ZFAT: variants seen among roughly 807,000 people sequenced by gnomAD.
ZFAT encodes the protein zinc finger protein ZFAT.
In ZFAT, 64 loss-of-function variants were observed where a neutral mutation model predicts 117.7. The ratio of observed to expected loss-of-function variants is 0.54; its 90% CI spans 0.44 to 0.67. ZFAT has a LOEUF of 0.67. ZFAT is among the 30% of genes least tolerant of loss of function. The pLI is 0.00. For missense variants in ZFAT, 1,433 were observed against 1,584.5 expected, an observed-to-expected ratio of 0.90 and a Z score of 1.62; for synonymous variants, 679 against 615.0, an observed-to-expected ratio of 1.10 and a Z score of -1.54.
At chr8:134,603,291 G>C (rs1827651637) in intron 5 of ZFAT, among the ~76,000 whole-genome samples, 1 of 152,178 alleles carries the variant, frequency 6.6e-6, no homozygotes. Context: ...TTCAAGAAAA[G>C]GAAAGAGGGA....
chr8:134,727,259 C>G, the ZFAT span, among the ~76,000 whole-genome samples: 2 of 152,272 alleles, frequency 1.3e-5, no homozygotes, highest in East Asian at 3.9e-4. Flanking sequence ...GAGCTGAAAC[C>G]TGAGTGATAA....
intron 1 of ZFAT, among the ~76,000 whole-genome samples, chr8:134,659,824 G>A (rs1030196118): frequency 3.3e-5 from 5 of 152,210 alleles, no homozygotes; most frequent in Admixed American, 2.6e-4. Context: ...GGAGCTCTTG[G>A]AAGGCACTGG....
chr8:134,724,861 C>A, the ZFAT span, among the ~76,000 whole-genome samples: 1 of 152,112 alleles, frequency 6.6e-6, no homozygotes, highest in Non-Finnish European at 1.5e-5. Flanking sequence ...CCAGTTAAAG[C>A]GCTTCTCCCT....
intron 2 of ZFAT, among the ~76,000 whole-genome samples, chr8:134,643,206 T>C (rs1306640809): frequency 6.6e-6 from 1 of 152,210 alleles, no homozygotes; most frequent in Non-Finnish European, 1.5e-5. Flanking sequence ...ACTTATTTGC[T>C]CCAAGGTCAG....
At chr8:134,565,533 T>A in intron 10 of ZFAT, 112 bp from the exon 11 acceptor site, 1 of 974,424 alleles carries the variant, frequency 1.0e-6, no homozygotes. Context: ...CATGTGAGGA[T>A]CAGAATCTCA....
rs1239657233 is a variant in ZFAT, at chr8:134,588,276, C to T, written c.2683G>A (p.Asp895Asn). Reference sequence around the variant, plus strand: ...TGAGCCCAAATATGACGCTGAAGGTCTGAGCCATTCTTCATGAAATAAAAG... The same window carrying T: ...TGAGCCCAAATATGACGCTGAAGGTTTGAGCCATTCTTCATGAAATAAAAG... ...CDFYFMKNGS[D>N]LQRHIWAHEG... Residue 895 changes from aspartate to asparagine, a missense_variant, in exon 9 of 16, where the codon GAC becomes AAC. This residue lies in a region of ZFAT where 503 missense variants were observed against 543.4 expected (regional missense o/e 0.93). Coordinates refer to ENST00000377838, the MANE Select transcript of ZFAT (RefSeq NM_020863.4). 3.2e-6 allele frequency: 5 copies of T among 1,573,226 alleles called. No homozygotes were observed. The highest frequency in any genetic ancestry group is 2.3e-5 in the East Asian group (1 of 43,070).
the ZFAT span, among the ~76,000 whole-genome samples, chr8:134,759,987 A>C: frequency 0.047 from 6,910 of 148,440 alleles, 276 homozygotes; most frequent in Non-Finnish European, 0.07. Flanking sequence ...AAAAAAAAAA[A>C]AAACAAACAG....
chr8:134,772,171 G>A, the ZFAT span, among the ~76,000 whole-genome samples: 2 of 152,248 alleles, frequency 1.3e-5, no homozygotes, highest in Non-Finnish European at 2.9e-5. Context: ...GGCCTCTAAG[G>A]GTTCAAATGA....
At chr8:134,637,438 T>A (rs1830284581) in intron 3 of ZFAT, 23 bp downstream of exon 3, 1 of 1,597,248 alleles carries the variant, frequency 6.3e-7, no homozygotes, top group African/African-American at 1.3e-5. Context: ...AATTGACATG[T>A]TCAGCCCTTT....
the ZFAT span, among the ~76,000 whole-genome samples, chr8:134,762,201 G>A: frequency 6.6e-6 from 1 of 152,128 alleles, no homozygotes; most frequent in Non-Finnish European, 1.5e-5. Context: ...CAAATCAGAG[G>A]GGCAGTAAAT....
the ZFAT span, chr8:134,765,326 A>G: frequency 6.6e-6 from 1 of 152,200 alleles, no homozygotes; most frequent in South Asian, 2.1e-4. Flanking sequence ...ATCCCACCTC[A>G]TGGTGTGCTG....
At chr8:134,689,229 T>G (rs2131323199) in intron 1 of ZFAT, among the ~76,000 whole-genome samples, 1 of 152,384 alleles carries the variant, frequency 6.6e-6, no homozygotes, top group East Asian at 1.9e-4. Flanking sequence ...ACCCACTTTC[T>G]AGCTATTTCT....
At chr8:134,492,409 T>G (rs1029651255) in intron 15 of ZFAT, among the ~76,000 whole-genome samples, 4 of 152,352 alleles carry the variant, frequency 2.6e-5, no homozygotes, top group African/African-American at 9.6e-5. Flanking sequence ...AGACTCCATG[T>G]TATGGTAAGA....
chr8:134,704,367 G>T (rs1025976487), intron 1 of ZFAT, among the ~76,000 whole-genome samples: 1 of 152,194 alleles, frequency 6.6e-6, no homozygotes, highest in African/African-American at 2.4e-5. Flanking sequence ...ATGTCCCTGA[G>T]CCTGTTATGT....
chr8:134,511,522 T>C (rs944162731), intron 14 of ZFAT, among the ~76,000 whole-genome samples: 8 of 152,198 alleles, frequency 5.3e-5, no homozygotes, highest in African/African-American at 1.4e-4. Context: ...GAGTTTTCTG[T>C]GCAGCTTTCT....
At chr8:134,796,485 A>C in the ZFAT span, 2 of 152,218 alleles carry the variant, frequency 1.3e-5, no homozygotes, top group South Asian at 4.1e-4. Flanking sequence ...AGAAGTGTTG[A>C]GTGGAATGTG....
chr8:134,647,786 A>G (rs1271349254), intron 2 of ZFAT, among the ~76,000 whole-genome samples: 2 of 152,176 alleles, frequency 1.3e-5, no homozygotes, highest in Admixed American at 1.3e-4. Flanking sequence ...ACTTAGGCAT[A>G]AATATAATCA....
rs34770848 is a variant in ZFAT, at chr8:134,658,337, C to CAAAAAAA, written c.20-607_20-601dup. 6.8e-5 allele frequency among the ~76,000 whole-genome samples: 8 copies of CAAAAAAA among 117,958 alleles called. 1 individual carries two copies. Among genetic ancestry groups the CAAAAAAA allele is most frequent in the African/African-American group, 1.0e-4 (3 of 28,980 alleles). 77.4% of individuals were successfully genotyped at this position (117,958 alleles called of 152,430 possible). A position where few individuals can be genotyped will look rare whatever the true frequency, so the allele number is the denominator to read the frequency against. On this transcript the variant is annotated intron_variant, in intron 1 of 15. Coordinates refer to ENST00000377838, the MANE Select transcript of ZFAT (RefSeq NM_020863.4). ...GGGCGACAGAGCGAGATTCTGTCTC[C>CAAAAAAA]AAAAAAAAAAAAATTTGCAACTTAA...
the ZFAT span, chr8:134,794,080 G>C: frequency 7.2e-5 from 11 of 152,172 alleles, no homozygotes; most frequent in African/African-American, 2.4e-4. Context: ...CCTAAAAATA[G>C]TTTTCTCTTC....
Sources: gnomAD v4.1 joint callset for allele counts (sites outside exome capture counted in the v4.1 genomes callset) on GRCh38, gnomAD v4.1.1 for gene constraint, gnomAD v4.1.1 regional missense constraint, MANE v1.5 for transcripts, NCBI Gene and HGNC (gene_info 2026-07-23, HGNC 2026-07-21) for gene names.